EEF2K: variants seen among roughly 807,000 people sequenced by gnomAD.
EEF2K encodes eukaryotic elongation factor 2 kinase.
In EEF2K, 70 loss-of-function variants were observed where a neutral mutation model predicts 93.8. That is an observed-to-expected ratio of 0.75 (90% CI 0.62 to 0.91). The LOEUF (loss-of-function observed/expected upper bound fraction) is 0.91, where lower values mean the gene tolerates loss of function less well. Ranked by LOEUF, EEF2K falls within the 40% of genes least tolerant of loss-of-function variation. The pLI is 0.00. For missense variants in EEF2K, 935 were observed against 972.9 expected (o/e 0.96, Z 0.52); for synonymous variants, 376 against 380.8 (o/e 0.99, Z 0.15).
chr16:22,223,449 T>TA (rs1354301211), intron 1 of EEF2K, among the ~76,000 whole-genome samples: 1 of 152,114 alleles, frequency 6.6e-6, no homozygotes, highest in Non-Finnish European at 1.5e-5. Flanking sequence ...TGGCTACCTT[T>TA]TATATTTTTA....
intron 15 of EEF2K, among the ~76,000 whole-genome samples, chr16:22,271,492 C>A (rs1229204376): frequency 6.6e-6 from 1 of 151,952 alleles, no homozygotes; most frequent in Non-Finnish European, 1.5e-5. Flanking sequence ...AGTTTCAGAC[C>A]AGCCTGGGCA....
chr16:22,258,692 C>A lies in EEF2K; in HGVS notation c.1228C>A (p.Leu410Ile). Reference sequence around the variant, plus strand: ...ACCACACAGCCAGAAGCTAGACCACCTCCGTGAGTGACGGTTCGGTCCCTA... The same window carrying A: ...ACCACACAGCCAGAAGCTAGACCACATCCGTGAGTGACGGTTCGGTCCCTA... ...ATPHSQKLDH[L>I]HWPVFSDLDN... Residue 410 changes from leucine (L) to isoleucine (I), a missense_variant, in exon 10 of 18, where the codon CTC (leucine) becomes ATC (isoleucine). Physicochemically the swap from Leu to Ile is conservative, Grantham distance 5. Transcript: ENST00000263026. 6.2e-7 allele frequency: 1 copy of A among 1,614,152 alleles called. No homozygotes were observed. Among genetic ancestry groups the A allele is most frequent in the African/African-American group, 1.3e-5 (1 of 75,058 alleles).
chr16:22,244,240 A>T (rs1216231051), intron 2 of EEF2K, among the ~76,000 whole-genome samples: 1 of 150,932 alleles, frequency 6.6e-6, no homozygotes, highest in Non-Finnish European at 1.5e-5. Flanking sequence ...ATATATATAT[A>T]TACGTTATAT....
chr16:22,234,546 A>G (rs1216919608), intron 2 of EEF2K, among the ~76,000 whole-genome samples: 1 of 151,974 alleles, frequency 6.6e-6, no homozygotes, highest in Non-Finnish European at 1.5e-5. Flanking sequence ...AACAGGAAAA[A>G]AAAAAAAAAA....
intron 1 of EEF2K, among the ~76,000 whole-genome samples, chr16:22,208,078 G>T (rs1348855162): frequency 6.6e-6 from 1 of 152,214 alleles, no homozygotes; most frequent in African/African-American, 2.4e-5. Flanking sequence ...ACATGGCTGG[G>T]ATTGGCGTCC....
intron 1 of EEF2K, among the ~76,000 whole-genome samples, chr16:22,216,283 T>G (rs1334362372): frequency 6.6e-6 from 1 of 152,180 alleles, no homozygotes; most frequent in Non-Finnish European, 1.5e-5. Flanking sequence ...TCCCTTAAGG[T>G]TGCCTTTTCA....
At chr16:22,272,409 C>T (rs1379943663) in intron 15 of EEF2K, among the ~76,000 whole-genome samples, 1 of 152,148 alleles carries the variant, frequency 6.6e-6, no homozygotes, top group African/African-American at 2.4e-5. Context: ...AAGCACTGTG[C>T]TAAGTGAAAA....
chr16:22,256,668 C>G, intron 6 of EEF2K, 80 bp from the exon 7 acceptor site: 1 of 1,517,960 alleles, frequency 6.6e-7, no homozygotes, highest in Non-Finnish European at 8.8e-7. Context: ...CAGGCGAGTT[C>G]CTCTGAGCCC....
Position 22,285,595 on chromosome 16 carries a change from G to T in EEF2K, c.*1599G>T, listed in dbSNP as rs1214963600. 6.6e-6 allele frequency: 1 copy of T among 152,274 alleles called. No homozygotes were observed. Among genetic ancestry groups the T allele is most frequent in the Non-Finnish European group, 1.5e-5 (1 of 68,024 alleles). 9.4% of individuals were successfully genotyped at this position (152,274 alleles called of 1,614,324 possible). A position where few individuals can be genotyped will look rare whatever the true frequency, so the allele number is the denominator to read the frequency against. On this transcript the variant is annotated 3_prime_UTR_variant, in exon 18 of 18. Transcript: ENST00000263026. ...ACTTTGAGGAGGGCCAAGGTGGGAGGATTGCTTGAGCTCAGGACTTCAAGA... is the reference window on the plus strand; with the variant it reads ...ACTTTGAGGAGGGCCAAGGTGGGAGTATTGCTTGAGCTCAGGACTTCAAGA...
At chr16:22,280,983 C>T (rs537853669) in intron 17 of EEF2K, among the ~76,000 whole-genome samples, 1 of 152,090 alleles carries the variant, frequency 6.6e-6, no homozygotes, top group African/African-American at 2.4e-5. Context: ...TCTTGTAGCC[C>T]AGGCTGGAGT....
intron 16 of EEF2K, 115 bp from the exon 17 acceptor site, chr16:22,280,083 C>T (rs1359709971): frequency 1.9e-6 from 2 of 1,069,626 alleles, no homozygotes; most frequent in African/African-American, 1.7e-5. Context: ...AGGTCGTGAA[C>T]CATAGGTGGT....
At chr16:22,264,543 C>T (rs1174270506) in intron 12 of EEF2K, among the ~76,000 whole-genome samples, 1 of 152,126 alleles carries the variant, frequency 6.6e-6, no homozygotes, top group African/African-American at 2.4e-5. Flanking sequence ...TGGGATCCTG[C>T]ACCATCAAGT....
intron 1 of EEF2K, among the ~76,000 whole-genome samples, chr16:22,218,709 G>A (rs532130980): frequency 1.2e-4 from 18 of 152,180 alleles, no homozygotes; most frequent in East Asian, 5.8e-4. Context: ...TTGAGTTCAC[G>A]GAGTGAGTAC....
intron 8 of EEF2K, 103 bp downstream of exon 8, chr16:22,257,488 CT>C: frequency 6.4e-7 from 1 of 1,552,688 alleles, no homozygotes; most frequent in Non-Finnish European, 8.7e-7. Flanking sequence ...ACTGTACGCG[CT>C]TTTTCAAGAT....
rs549755686 is a variant in EEF2K at position 22,226,030 on chromosome 16, G to A, written c.246+55G>A. On this transcript the variant is annotated intron_variant, in intron 2 of 17. Transcript: ENST00000263026. The stretch of plus-strand genomic sequence containing the variant: ...ACCTGGCTTAGCTGCTGTAAGGGAT[G>A]GAGGGTTGGAGTCGCTGGTTGGGGA... The A allele has an allele frequency of 2.6e-5, 41 of 1,591,710 alleles. No homozygotes were observed. The East Asian group carries it at 8.7e-4, about 34-fold the overall frequency.
At chr16:22,208,248 C>T (rs1482227101) in intron 1 of EEF2K, among the ~76,000 whole-genome samples, 3 of 152,130 alleles carry the variant, frequency 2.0e-5, no homozygotes, top group Admixed American at 6.5e-5. Flanking sequence ...GGGCCAGGGG[C>T]GTGGTGGCTC....
At position 22,266,811 on chromosome 16, in the gene EEF2K, A is replaced by G. The variant is rs757110394; in HGVS notation, c.1699A>G (p.Ile567Val). The G allele has an allele frequency of 1.9e-6, 3 of 1,614,190 alleles. No individual in the cohort carries two copies. The highest frequency in any genetic ancestry group is 1.7e-6 in the Non-Finnish European group (2 of 1,180,024). ...AGCCAACCTGGGCGAGCTGGAGGCC[A>G]TCGTGGGCCTGGGACTCATGTACTC... The part of the protein sequence containing the change: ...HAANLGELEA[I>V]VGLGLMYSQL... Residue 567 changes from isoleucine (I) to valine (V), a missense_variant, in exon 15 of 18, where the codon ATC becomes GTC. Transcript: ENST00000263026.
At chr16:22,213,269 G>A (rs1281515482) in intron 1 of EEF2K, among the ~76,000 whole-genome samples, 1 of 152,212 alleles carries the variant, frequency 6.6e-6, no homozygotes, top group East Asian at 1.9e-4. Context: ...GACAGAGTGA[G>A]ACTCCATCTC....
rs528668209 is a variant in EEF2K at position 22,217,838 on chromosome 16, C to T, written c.-76-7816C>T. 2.0e-4 allele frequency among the ~76,000 whole-genome samples: 30 copies of T among 152,274 alleles called. No homozygotes were observed. The East Asian group carries it at 3.1e-3, about 16-fold the overall frequency. Reference sequence around the variant, plus strand: ...CTTTCCCCTACTGCCCCCCAAAAGGCGGGGTTTATTGTATCATCTGATTCA... The same window carrying T: ...CTTTCCCCTACTGCCCCCCAAAAGGTGGGGTTTATTGTATCATCTGATTCA... On this transcript the variant is annotated intron_variant, in intron 1 of 17. Coordinates refer to ENST00000263026, the MANE Select transcript of EEF2K (RefSeq NM_013302.5).
Sources: gnomAD v4.1 joint callset for allele counts (sites outside exome capture counted in the v4.1 genomes callset) on GRCh38, gnomAD v4.1.1 for gene constraint, MANE v1.5 for transcripts, NCBI Gene and HGNC (gene_info 2026-07-23, HGNC 2026-07-21) for gene names.